The following BICC1 variants were observed in gnomAD, a reference collection of about 807,000 sequenced individuals.
BICC1 encodes the protein protein bicaudal C homolog 1.
BICC1 carries 43 observed loss-of-function variants against 111.0 expected under a neutral mutation model. The ratio of observed to expected loss-of-function variants is 0.39; its 90% CI spans 0.30 to 0.50. The LOEUF (loss-of-function observed/expected upper bound fraction) is 0.50. Ranked by LOEUF, BICC1 falls within the 20% of genes least tolerant of loss-of-function variation. The pLI is 0.88. For missense variants in BICC1, 1,091 were observed against 1,203.2 expected (o/e 0.91, Z 1.38); for synonymous variants, 467 against 434.4 (o/e 1.07, Z -0.93).
intron 3 of BICC1, among the ~76,000 whole-genome samples, chr10:58,712,898 T>A (rs569406225): frequency 6.6e-6 from 1 of 152,142 alleles, no homozygotes; most frequent in Non-Finnish European, 1.5e-5. Flanking sequence ...CTCTGTACTT[T>A]CCACTTGATT....
At chr10:58,817,766 G>T in intron 19 of BICC1, 44 bp downstream of exon 19, 2 of 1,545,886 alleles carry the variant, frequency 1.3e-6, no homozygotes, top group Non-Finnish European at 1.8e-6. Context: ...TTTTGATTGT[G>T]TGTATGATGA....
chr10:58,652,533 A>G (rs1838484379), intron 2 of BICC1, among the ~76,000 whole-genome samples: 1 of 152,156 alleles, frequency 6.6e-6, no homozygotes, highest in African/African-American at 2.4e-5. Context: ...TCTTCTTGGT[A>G]AGTTTTAAAA....
In BICC1 at chr10:58,640,969, G is replaced by GTGT. The variant is rs1484053981; in HGVS notation, c.237+20068_237+20069insTGT. ...TTTCAACTTTCAAAAGCAGTTCTTT[G>GTGT]CTTTTCCACTTAGAAAAACACATTT... On this transcript the variant is annotated intron_variant, in intron 2 of 20. Transcript: ENST00000373886. Among the ~76,000 whole-genome samples the GTGT allele has an allele frequency of 5.8e-4, 88 of 152,216 alleles. 1 individual carries two copies. Among genetic ancestry groups the GTGT allele is most frequent in the African/African-American group, 2.1e-3 (86 of 41,538 alleles).
intron 17 of BICC1, among the ~76,000 whole-genome samples, chr10:58,808,664 G>C (rs1348174102): frequency 6.6e-6 from 1 of 151,994 alleles, no homozygotes; most frequent in Non-Finnish European, 1.5e-5. Context: ...ATTGGAGAGG[G>C]CATCCAGTGA....
intron 1 of BICC1, among the ~76,000 whole-genome samples, chr10:58,605,361 G>A (rs1360331865): frequency 6.6e-6 from 1 of 152,112 alleles, no homozygotes; most frequent in Non-Finnish European, 1.5e-5. Flanking sequence ...TTCGAAATCT[G>A]TTTATTGCAT....
chr10:58,715,563 C>T (rs991658727), intron 3 of BICC1: 35 of 1,545,546 alleles, frequency 2.3e-5, no homozygotes, highest in Middle Eastern at 1.7e-4. Context: ...CATGGGGAAG[C>T]GGGACAATCG....
chr10:58,778,766 C>T (rs187441917), intron 3 of BICC1, among the ~76,000 whole-genome samples: 174 of 152,288 alleles, frequency 1.1e-3, no homozygotes, highest in African/African-American at 3.8e-3. Flanking sequence ...GTTATATCAC[C>T]TGACATGTTA....
intron 3 of BICC1, among the ~76,000 whole-genome samples, chr10:58,722,377 C>T (rs1236827824): frequency 6.6e-6 from 1 of 152,026 alleles, no homozygotes; most frequent in Non-Finnish European, 1.5e-5. Context: ...CTCCTGTTGT[C>T]TATTATTTAG....
chr10:58,734,348 AT>A (rs1458195109), intron 3 of BICC1, among the ~76,000 whole-genome samples: 1 of 152,246 alleles, frequency 6.6e-6, no homozygotes, highest in African/African-American at 2.4e-5. Context: ...GATTTTTGGC[AT>A]GTTTTAATTG....
chr10:58,763,205 C>A (rs890339671), intron 3 of BICC1, among the ~76,000 whole-genome samples: 1 of 152,232 alleles, frequency 6.6e-6, no homozygotes, highest in South Asian at 2.1e-4. Flanking sequence ...TGAATACACT[C>A]TAAAAATATA....
chr10:58,778,865 T>C (rs992709265), intron 3 of BICC1, among the ~76,000 whole-genome samples: 1 of 152,214 alleles, frequency 6.6e-6, no homozygotes, highest in South Asian at 2.1e-4. Context: ...TTTATTAGAA[T>C]TCTTACTGTC....
intron 1 of BICC1, among the ~76,000 whole-genome samples, chr10:58,526,735 A>G (rs1404557861): frequency 6.6e-6 from 1 of 152,090 alleles, no homozygotes; most frequent in Non-Finnish European, 1.5e-5. Flanking sequence ...CGCTTCATCC[A>G]TGCCCTACCA....
At chr10:58,692,246 C>A (rs1839932278) in intron 2 of BICC1, among the ~76,000 whole-genome samples, 1 of 152,104 alleles carries the variant, frequency 6.6e-6, no homozygotes, top group Non-Finnish European at 1.5e-5. Flanking sequence ...GTGGAAGGCA[C>A]ATTTGAACTA....
intron 1 of BICC1, among the ~76,000 whole-genome samples, chr10:58,566,470 G>A (rs1843768421): frequency 6.6e-6 from 1 of 152,128 alleles, no homozygotes; most frequent in African/African-American, 2.4e-5. Flanking sequence ...ACATGCATGT[G>A]CAAGTATCCT....
intron 2 of BICC1, among the ~76,000 whole-genome samples, chr10:58,679,952 A>G (rs1008047630): frequency 6.6e-6 from 1 of 152,234 alleles, no homozygotes; most frequent in South Asian, 2.1e-4. Context: ...TGATTACCTC[A>G]ATAGATGTAG....
intron 3 of BICC1, among the ~76,000 whole-genome samples, chr10:58,770,529 C>T (rs1001313642): frequency 6.6e-6 from 1 of 151,870 alleles, no homozygotes; most frequent in African/African-American, 2.4e-5. Flanking sequence ...TGTTTGGATT[C>T]CCTTGATCAT....
At position 58,794,165 on chromosome 10, in the gene BICC1, TTGTGTGTGTGTGTGTG is replaced by T. The variant is rs71006206; in HGVS notation, c.1179+580_1179+595del. On this transcript the variant is annotated intron_variant, in intron 9 of 20. Coordinates refer to ENST00000373886, the MANE Select transcript of BICC1 (RefSeq NM_001080512.3). Reference sequence around the variant, plus strand: ...GAGTTGATAAGGCTACTTACATGTTTTGTGTGTGTGTGTGTGTGTGTGTGTGTGTGTGTGTGTGTGT... The same window carrying T: ...GAGTTGATAAGGCTACTTACATGTTTTGTGTGTGTGTGTGTGTGTGTGTGT... Among the ~76,000 whole-genome samples the T allele has an allele frequency of 1.6e-4, 22 of 138,294 alleles. No individual in the cohort carries two copies. In the East Asian group the frequency reaches 2.0e-3, roughly 12 times the overall value. The allele number at this position is 138,294 out of a possible 152,430, so 90.7% of individuals were successfully genotyped here.
At chr10:58,828,240 T>C (rs1844456799) in intron 20 of BICC1, among the ~76,000 whole-genome samples, 1 of 152,198 alleles carries the variant, frequency 6.6e-6, no homozygotes, top group Admixed American at 6.5e-5. Context: ...GCTCCTCCAA[T>C]ATCCCTGTGC....
At chr10:58,585,120 C>CCGG (rs1844394586) in intron 1 of BICC1, among the ~76,000 whole-genome samples, 1 of 152,116 alleles carries the variant, frequency 6.6e-6, no homozygotes, top group Non-Finnish European at 1.5e-5. Context: ...TGAACCGGAT[C>CCGG]AATAATTTAT....
Sources: allele counts gnomAD v4.1 joint callset (sites outside exome capture counted in the v4.1 genomes callset), GRCh38; gene constraint gnomAD v4.1.1; transcripts MANE v1.5; gene names NCBI Gene and HGNC (gene_info 2026-07-23, HGNC 2026-07-21).